ADCK1: variants seen among roughly 807,000 people sequenced by gnomAD.
The protein encoded by ADCK1 is aarF domain-containing protein kinase 1.
In ADCK1, 41 loss-of-function variants were observed where a neutral mutation model predicts 52.3. The ratio of observed to expected loss-of-function variants is 0.78; its 90% CI spans 0.61 to 1.02. ADCK1 has a LOEUF of 1.02. Among genes scored for constraint, ADCK1 ranks in the 50% least tolerant of loss-of-function variants. ADCK1 has a pLI of 0.00. For missense variants in ADCK1, 658 were observed against 679.5 expected (o/e 0.97, Z 0.35); for synonymous variants, 250 against 274.6 (o/e 0.91, Z 0.89).
intron 3 of ADCK1, among the ~76,000 whole-genome samples, chr14:77,846,796 C>A (rs1312159841): frequency 1.3e-5 from 2 of 152,186 alleles, no homozygotes; most frequent in Non-Finnish European, 2.9e-5. Context: ...GCAACCTGGC[C>A]ATGTCTAGGG....
intron 3 of ADCK1, among the ~76,000 whole-genome samples, chr14:77,857,473 T>C (rs1416408996): frequency 1.3e-5 from 2 of 152,206 alleles, no homozygotes; most frequent in Non-Finnish European, 2.9e-5. Flanking sequence ...ATTTATCCTT[T>C]CAAGTTTACT....
At position 77,933,467 on chromosome 14, in the gene ADCK1, C is replaced by T. The variant is rs2084388866; in HGVS notation, c.*76C>T. 1 of 1,573,336 alleles carries T rather than the reference C, an allele frequency of 6.4e-7. No homozygotes were observed. The highest frequency in any genetic ancestry group is 2.3e-5 in the East Asian group (1 of 44,272). On this transcript the variant is annotated 3_prime_UTR_variant, in exon 11 of 11. Coordinates refer to ENST00000238561, the MANE Select transcript of ADCK1 (RefSeq NM_020421.4). ...CTCATCTTGCCTCCACCCAGCTGCT[C>T]CATTTTTGCCACATCGTGGCCCGCA...
intron 3 of ADCK1, among the ~76,000 whole-genome samples, chr14:77,824,527 G>A (rs1320071742): frequency 1.3e-5 from 2 of 149,202 alleles, no homozygotes; most frequent in African/African-American, 2.5e-5. Flanking sequence ...TCCATCTCCC[G>A]GGTTCAAGCA....
intron 1 of ADCK1, among the ~76,000 whole-genome samples, chr14:77,808,072 A>G (rs962757040): frequency 6.6e-6 from 1 of 152,186 alleles, no homozygotes; most frequent in Non-Finnish European, 1.5e-5. Context: ...TGACAGATCC[A>G]CTGGAGAAAA....
intron 9 of ADCK1, among the ~76,000 whole-genome samples, chr14:77,926,517 G>C (rs2084198555): frequency 6.6e-6 from 1 of 152,168 alleles, no homozygotes. Context: ...GTCTCGCTCT[G>C]TCGCCCAGGC....
At chr14:77,921,738 A>T (rs367665253) in intron 7 of ADCK1, among the ~76,000 whole-genome samples, 29 of 152,260 alleles carry the variant, frequency 1.9e-4, no homozygotes, top group African/African-American at 7.0e-4. Flanking sequence ...TCTCATGTGG[A>T]TATGAGCAGC....
chr14:77,817,949 A>G (rs988929320), intron 1 of ADCK1, among the ~76,000 whole-genome samples: 10 of 151,514 alleles, frequency 6.6e-5, no homozygotes, highest in African/African-American at 1.7e-4. Flanking sequence ...CGTGTTAGCC[A>G]GGATGGTCTT....
At chr14:77,827,965 A>G (rs2081753729) in intron 3 of ADCK1, 1 of 328,136 alleles carries the variant, frequency 3.0e-6, no homozygotes, top group Non-Finnish European at 5.8e-6. Context: ...AGTAGCTGGG[A>G]CTACAGGTGA....
chr14:77,859,666 C>T (rs532424873), intron 4 of ADCK1, among the ~76,000 whole-genome samples: 33 of 152,276 alleles, frequency 2.2e-4, no homozygotes, highest in Admixed American at 7.2e-4. Flanking sequence ...GGCAGAGTGA[C>T]ACTGTGGTTT....
At chr14:77,890,887 G>A (rs748189203) in intron 5 of ADCK1, among the ~76,000 whole-genome samples, 20 of 152,176 alleles carry the variant, frequency 1.3e-4, no homozygotes, top group Admixed American at 9.8e-4. Flanking sequence ...CAGTGGAATC[G>A]TAGCTGATGG....
At chr14:77,875,845 T>C (rs1167080954) in intron 4 of ADCK1, among the ~76,000 whole-genome samples, 2 of 152,230 alleles carry the variant, frequency 1.3e-5, no homozygotes, top group Admixed American at 6.5e-5. Context: ...TGTCCTCGCC[T>C]GGCATGGCAG....
intron 3 of ADCK1, among the ~76,000 whole-genome samples, chr14:77,856,408 G>A (rs1302915245): frequency 6.6e-6 from 1 of 152,070 alleles, no homozygotes; most frequent in Admixed American, 6.6e-5. Context: ...TGTGTGTGGG[G>A]TGTGTATGTA....
At chr14:77,820,230 G>A (rs2081550456) in intron 2 of ADCK1, among the ~76,000 whole-genome samples, 1 of 152,120 alleles carries the variant, frequency 6.6e-6, no homozygotes, top group African/African-American at 2.4e-5. Context: ...CCGCTACTAT[G>A]TTCAGACACT....
chr14:77,813,598 G>A (rs887835908), intron 1 of ADCK1, among the ~76,000 whole-genome samples: 3 of 151,494 alleles, frequency 2.0e-5, no homozygotes, highest in Non-Finnish European at 4.4e-5. Flanking sequence ...CATGAGCCAC[G>A]TGCCCAGCCT....
chr14:77,846,249 A>G (rs1219354443), intron 3 of ADCK1, among the ~76,000 whole-genome samples: 1 of 151,906 alleles, frequency 6.6e-6, no homozygotes, highest in East Asian at 1.9e-4. Context: ...AGCTGGTGCC[A>G]CCCCCGTCTT....
intron 4 of ADCK1, 141 bp from the exon 5 acceptor site, chr14:77,886,950 C>A: frequency 2.2e-6 from 2 of 901,242 alleles, no homozygotes; most frequent in Non-Finnish European, 3.2e-6. Context: ...ACGCACAACA[C>A]ACACACACAC....
chr14:77,802,825 G>T (rs1457760907), intron 1 of ADCK1, among the ~76,000 whole-genome samples: 1 of 152,074 alleles, frequency 6.6e-6, no homozygotes, highest in African/African-American at 2.4e-5. Context: ...GTGGTGCCGG[G>T]TGCCTGTAGT....
rs199910556 is a variant in ADCK1, at chr14:77,905,502, C to T, written c.742-2301C>T. Among the ~76,000 whole-genome samples the T allele has an allele frequency of 7.8e-4, 119 of 151,822 alleles. 1 individual carries two copies. The East Asian group carries it at 0.022, about 28-fold the overall frequency. The stretch of plus-strand genomic sequence containing the variant: ...GCGTGAGCCACTGCGCCCAGCCCCT[C>T]GCTGTTTTTTAAGCTGCCTCTGGTG... On this transcript the variant is annotated intron_variant, in intron 6 of 10. Coordinates refer to ENST00000238561, the MANE Select transcript of ADCK1 (RefSeq NM_020421.4).
At chr14:77,822,335 A>G in intron 2 of ADCK1, 100 bp from the exon 3 acceptor site, 1 of 927,364 alleles carries the variant, frequency 1.1e-6, no homozygotes, top group South Asian at 1.4e-5. Context: ...ACTCCCCCAG[A>G]CATAGCAGCT....
Sources: gnomAD v4.1 joint callset for allele counts (sites outside exome capture counted in the v4.1 genomes callset) on GRCh38, gnomAD v4.1.1 for gene constraint, MANE v1.5 for transcripts, NCBI Gene and HGNC (gene_info 2026-07-23, HGNC 2026-07-21) for gene names.